The following PPFIBP1 variants were observed in gnomAD, a reference collection of about 807,000 sequenced individuals.
The protein encoded by PPFIBP1 is liprin-beta-1.
PPFIBP1 carries 112 observed loss-of-function variants against 137.8 expected under a neutral mutation model. The observed-to-expected ratio is 0.81, with a 90% CI of 0.70 to 0.95. The LOEUF (loss-of-function observed/expected upper bound fraction) is 0.95, where lower values mean the gene tolerates loss of function less well. Among genes scored for constraint, PPFIBP1 ranks in the 40% least tolerant of loss-of-function variants. The probability of loss-of-function intolerance (pLI) is 0.00; values close to 1 mark genes in which losing one functional copy is unlikely to be tolerated. For synonymous variants in PPFIBP1, 378 were observed against 417.3 expected (o/e 0.91, Z 1.15); for missense variants, 1,083 against 1,196.6 (o/e 0.91, Z 1.40).
At chr12:27,570,673 G>A (rs1197578943) in intron 1 of PPFIBP1, among the ~76,000 whole-genome samples, 1 of 152,010 alleles carries the variant, frequency 6.6e-6, no homozygotes, top group African/African-American at 2.4e-5. Flanking sequence ...ATGTACATAA[G>A]GCCAAGGTGG....
At chr12:27,540,970 A>T (rs530040) in intron 1 of PPFIBP1, among the ~76,000 whole-genome samples, 112,754 of 152,094 alleles carry the variant, frequency 0.74, 42,235 homozygotes, top group Middle Eastern at 0.88. Flanking sequence ...TCTAATTTTT[A>T]AATTCGGTTT....
intron 1 of PPFIBP1, among the ~76,000 whole-genome samples, chr12:27,532,379 G>A (rs1315360226): frequency 6.6e-6 from 1 of 151,850 alleles, no homozygotes; most frequent in Non-Finnish European, 1.5e-5. Flanking sequence ...CCAAGCACAC[G>A]TGTATGGTTT....
intron 19 of PPFIBP1, 146 bp from the exon 20 acceptor site, chr12:27,679,343 C>A: frequency 5.4e-6 from 4 of 743,502 alleles, no homozygotes; most frequent in Non-Finnish European, 6.6e-6. Context: ...ATGTGTGTTC[C>A]ATTTCTAATA....
intron 1 of PPFIBP1, among the ~76,000 whole-genome samples, chr12:27,537,672 A>G (rs67466800): frequency 0.17 from 25,239 of 151,952 alleles, 2,361 homozygotes; most frequent in Middle Eastern, 0.26. Context: ...ACTGAAATTC[A>G]CCTATTGAAA....
At chr12:27,661,979 A>G (rs895715031) in intron 11 of PPFIBP1, among the ~76,000 whole-genome samples, 3 of 152,112 alleles carry the variant, frequency 2.0e-5, no homozygotes, top group Admixed American at 2.0e-4. Flanking sequence ...AAATCACTGA[A>G]ATTCATTTTG....
chr12:27,662,373 G>C (rs996498555), intron 11 of PPFIBP1, among the ~76,000 whole-genome samples: 2 of 152,156 alleles, frequency 1.3e-5, no homozygotes, highest in Non-Finnish European at 2.9e-5. Flanking sequence ...TAGGGTCTTA[G>C]CTTGTAAACC....
At position 27,669,864 on chromosome 12, in the gene PPFIBP1, C is replaced by T. The variant is rs192806718; in HGVS notation, c.1147-1567C>T. 8.5e-5 allele frequency among the ~76,000 whole-genome samples: 13 copies of T among 152,264 alleles called. No homozygotes were observed. The East Asian group carries it at 1.2e-3, about 14-fold the overall frequency. ...GCTTACTTAAGTAAGTGAGTGTTCC[C>T]GGTCCAGTACATTCTCTTCTAGCTG... On this transcript the variant is annotated intron_variant, in intron 13 of 29. Coordinates refer to ENST00000228425, the MANE Select transcript of PPFIBP1 (RefSeq NM_003622.4).
Position 27,658,818 on chromosome 12 carries a change from G to A in PPFIBP1, c.814G>A (p.Glu272Lys). 1 of 1,612,698 alleles carries A rather than the reference G, an allele frequency of 6.2e-7. No homozygotes were observed. The highest frequency in any genetic ancestry group is 8.5e-7 in the Non-Finnish European group (1 of 1,179,088). The change falls in exon 10 of 30, where the codon GAA (glutamate) becomes AAA (lysine). Residue 272 changes from glutamate to lysine, a missense_variant and splice_region_variant. Coordinates refer to ENST00000228425, the MANE Select transcript of PPFIBP1 (RefSeq NM_003622.4). Reference protein sequence around the residue: ...GEGVEIVDRDENFKKKLKEKN... With the variant: ...GEGVEIVDRDKNFKKKLKEKN... Reference sequence around the variant, plus strand: ...ATCCAATGGGTTTTCCTGCACAGATGAAAATTTTAAAAAGAAGCTCAAAGA... The same window carrying A: ...ATCCAATGGGTTTTCCTGCACAGATAAAAATTTTAAAAAGAAGCTCAAAGA...
chr12:27,550,094 T>C (rs536217224), intron 1 of PPFIBP1, among the ~76,000 whole-genome samples: 50 of 152,216 alleles, frequency 3.3e-4, no homozygotes, highest in Admixed American at 7.2e-4. Context: ...TGTTAATATA[T>C]GCCAAGAGTT....
intron 24 of PPFIBP1, 47 bp from the exon 25 acceptor site, chr12:27,687,338 T>C: frequency 1.1e-5 from 18 of 1,578,610 alleles, no homozygotes; most frequent in Non-Finnish European, 1.6e-5. Context: ...AAAGTCCTCC[T>C]GCTACAGGCC....
rs532986283 is a variant in PPFIBP1 at position 27,590,171 on chromosome 12, ATTTTGTTTT to A, written c.-36+11947_-36+11955del. Among the ~76,000 whole-genome samples the A allele has an allele frequency of 1.0e-4, 15 of 145,222 alleles. No homozygotes were observed. The South Asian group carries it at 2.6e-3, about 25-fold the overall frequency. On this transcript the variant is annotated intron_variant, in intron 2 of 29. Transcript: ENST00000228425. Reference sequence around the variant, plus strand: ...ACTTTCTACTAAATGCTGTGTTAGGATTTTGTTTTTTTTGTTTTTTTTGAGATGGAGTCT... The same window carrying A: ...ACTTTCTACTAAATGCTGTGTTAGGATTTTGTTTTTTTTGAGATGGAGTCT...
chr12:27,574,115 G>C (rs1439906530), intron 1 of PPFIBP1, among the ~76,000 whole-genome samples: 1 of 152,124 alleles, frequency 6.6e-6, no homozygotes, highest in African/African-American at 2.4e-5. Context: ...TTTCAGTACA[G>C]AAGGGCACTG....
rs1393372927 is a variant in PPFIBP1 at position 27,682,451 on chromosome 12, C to T, written c.2111C>T (p.Ser704Phe). ...CAGCTAGCACTCCAAGCCCTGGGAT[C>T]TGAAGAAGAAACCAATCATGGGAAG... ...KLQLALQALG[S>F]EEETNHGKLD... is the part of the protein sequence containing the mutation. The change falls in exon 23 of 30, where the codon TCT becomes TTT. Residue 704 changes from serine to phenylalanine, a missense_variant. By Grantham distance (155) the Ser-to-Phe change is radical. Transcript: ENST00000228425. The T allele has an allele frequency of 1.9e-6, 3 of 1,614,114 alleles. No individual in the cohort carries two copies. The highest frequency in any genetic ancestry group is 2.5e-6 in the Non-Finnish European group (3 of 1,179,962).
intron 1 of PPFIBP1, among the ~76,000 whole-genome samples, chr12:27,565,656 G>A (rs977418323): frequency 2.0e-5 from 3 of 152,012 alleles, no homozygotes; most frequent in African/African-American, 4.8e-5. Context: ...GCTACTCCCC[G>A]TGTCCCGTCT....
rs3842650 is a variant in PPFIBP1, at chr12:27,644,244, GTTTTTTTT to G, written c.271-1800_271-1793del. On this transcript the variant is annotated intron_variant, in intron 4 of 29. Coordinates refer to ENST00000228425, the MANE Select transcript of PPFIBP1 (RefSeq NM_003622.4). ...GGCGCACACCACCAAGCTTGGCTAA[GTTTTTTTT>G]TTTTTTTTTTTTTTTTTAAGAGATA... Among the ~76,000 whole-genome samples the G allele has an allele frequency of 2.1e-4, 25 of 117,774 alleles. 1 individual carries two copies. The highest frequency in any genetic ancestry group is 7.9e-4 in the African/African-American group (24 of 30,482). 77.3% of individuals were successfully genotyped at this position (117,774 alleles called of 152,430 possible).
At chr12:27,596,594 TCA>T (rs1271299082) in intron 2 of PPFIBP1, among the ~76,000 whole-genome samples, 16 of 152,282 alleles carry the variant, frequency 1.1e-4, no homozygotes, top group African/African-American at 3.8e-4. Context: ...CCATCATAAC[TCA>T]CTGCAGCCTC....
chr12:27,653,443 T>A (rs1452099378), intron 7 of PPFIBP1, among the ~76,000 whole-genome samples: 1 of 151,934 alleles, frequency 6.6e-6, no homozygotes, highest in Non-Finnish European at 1.5e-5. Context: ...AAAAATTATC[T>A]GGGCATGGTG....
At position 27,582,453 on chromosome 12, in the gene PPFIBP1, C is replaced by T. The variant is rs114358086; in HGVS notation, c.-36+4214C>T. Reference sequence around the variant, plus strand: ...TTTGGGGAAACCTGGGTTCTGACTCCGTCGTTTCAGTGAGCCATGGTTTCC... The same window carrying T: ...TTTGGGGAAACCTGGGTTCTGACTCTGTCGTTTCAGTGAGCCATGGTTTCC... On this transcript the variant is annotated intron_variant, in intron 2 of 29. Coordinates refer to ENST00000228425, the MANE Select transcript of PPFIBP1 (RefSeq NM_003622.4). Among the ~76,000 whole-genome samples, 1,351 of 152,170 alleles carry T rather than the reference C, an allele frequency of 8.9e-3. 24 individuals are homozygous for T. Among genetic ancestry groups the T allele is most frequent in the African/African-American group, 0.031 (1,268 of 41,500 alleles).
rs148076414 is a variant in PPFIBP1, at chr12:27,649,786, A to G, written c.472-224A>G. Among the ~76,000 whole-genome samples the G allele has an allele frequency of 9.7e-4, 148 of 152,284 alleles. 1 individual carries two copies. The highest frequency in any genetic ancestry group is 3.4e-3 in the African/African-American group (143 of 41,562). On this transcript the variant is annotated intron_variant, in intron 6 of 29. Transcript: ENST00000228425. ...GGCTGGTTCTCAAATTCCTGACCTC[A>G]AGCGATCTGCCTGCCTCGGCCTCCC... is the stretch of plus-strand genomic sequence containing the variant.
Sources: allele counts gnomAD v4.1 joint callset (sites outside exome capture counted in the v4.1 genomes callset), GRCh38; gene constraint gnomAD v4.1.1; transcripts MANE v1.5; gene names NCBI Gene and HGNC (gene_info 2026-07-23, HGNC 2026-07-21).